MYO10: variants seen among roughly 807,000 people sequenced by gnomAD.
MYO10 encodes unconventional myosin-X.
In MYO10, 133 loss-of-function variants were observed where a neutral mutation model predicts 257.3. That is an observed-to-expected ratio of 0.52 (90% CI 0.45 to 0.60). MYO10 has a LOEUF of 0.60. Among genes scored for constraint, MYO10 ranks in the 20% least tolerant of loss-of-function variants. MYO10 has a pLI of 0.00. For synonymous variants in MYO10, 1,104 were observed against 1,028.6 expected, an observed-to-expected ratio of 1.07 and a Z score of -1.40; for missense variants, 2,399 against 2,635.7, an observed-to-expected ratio of 0.91 and a Z score of 1.97.
intron 3 of MYO10, among the ~76,000 whole-genome samples, chr5:16,813,501 C>T (rs1163044382): frequency 4.0e-5 from 6 of 150,902 alleles, no homozygotes; most frequent in South Asian, 4.2e-4. Context: ...CAGGGAACAG[C>T]GATCATGTCA....
intron 19 of MYO10, among the ~76,000 whole-genome samples, chr5:16,720,349 C>T (rs991248861): frequency 2.0e-5 from 3 of 152,190 alleles, no homozygotes; most frequent in African/African-American, 4.8e-5. Flanking sequence ...TAAGACCAAC[C>T]TCCACATTGC....
chr5:16,685,701 AGACGCCCC>A, intron 29 of MYO10, 29 bp downstream of exon 29: 1 of 1,372,148 alleles, frequency 7.3e-7, no homozygotes, highest in Non-Finnish European at 1.0e-6. Flanking sequence ...CCCTGCCCCT[AGACGCCCC>A]ACCCCCATCC....
At chr5:16,780,458 T>C in intron 8 of MYO10, 66 bp downstream of exon 8, 1 of 1,341,720 alleles carries the variant, frequency 7.5e-7, no homozygotes, top group Non-Finnish European at 1.0e-6. Context: ...TTCTCTCATT[T>C]ACTGACATCT....
intron 14 of MYO10, 100 bp downstream of exon 14, chr5:16,763,381 G>T: frequency 1.1e-6 from 1 of 887,036 alleles, no homozygotes. Context: ...CATTCACATC[G>T]TTGATGTGCG....
At chr5:16,687,954 A>G (rs1737323948) in intron 28 of MYO10, among the ~76,000 whole-genome samples, 2 of 152,212 alleles carry the variant, frequency 1.3e-5, no homozygotes, top group African/African-American at 4.8e-5. Context: ...CTTCTCTTGA[A>G]TCAAGTATAA....
Position 16,685,753 on chromosome 5 carries a change from G to A in MYO10, c.3975C>T (p.Asn1325=). Residue 1325 remains asparagine (N), a synonymous_variant, in exon 29 of 41, where the codon AAC becomes AAT. Coordinates refer to ENST00000513610, the MANE Select transcript of MYO10 (RefSeq NM_012334.3). ...GCTCCCGTACCACAGCATTCTGTGG[G>A]TTTGCCTGCTCATCATGCATCTCCT... ...EIQEMHDEQA[N]PQNAVGTLDV... is the part of the protein sequence containing the mutation. 1 of 1,603,658 alleles carries A rather than the reference G, an allele frequency of 6.2e-7. No homozygotes were observed.
chr5:16,780,633 T>G, intron 7 of MYO10, 25 bp from the exon 8 acceptor site: 2 of 1,555,018 alleles, frequency 1.3e-6, no homozygotes, highest in South Asian at 1.2e-5. Context: ...CAGATTTATA[T>G]TCAGAGATGT....
chr5:16,693,831 A>G, intron 27 of MYO10, among the ~76,000 whole-genome samples: 1 of 152,170 alleles, frequency 6.6e-6, no homozygotes, highest in East Asian at 1.9e-4. Flanking sequence ...CTTTGGTTCT[A>G]TAAGGGTGTG....
At position 16,673,808 on chromosome 5, in the gene MYO10, T is replaced by C. The variant is rs369279634; in HGVS notation, c.5046A>G (p.Arg1682=). Residue 1682 remains arginine (R), a synonymous_variant, in exon 36 of 41, where the codon CGA becomes CGG. Coordinates refer to ENST00000513610, the MANE Select transcript of MYO10 (RefSeq NM_012334.3). ...TYESLKKTKC[R]EFVPSRDEIE... ...TTTCATCTCGGGAAGGCACAAACTC[T>C]CGGCATTTGGTTTTCTTAAGAGATT... 6.8e-5 allele frequency: 109 copies of C among 1,614,006 alleles called. No individual in the cohort carries two copies. The East Asian group carries it at 1.8e-3, about 26-fold the overall frequency.
chr5:16,886,553 A>G (rs1200955816), intron 1 of MYO10, among the ~76,000 whole-genome samples: 1 of 152,234 alleles, frequency 6.6e-6, no homozygotes, highest in Non-Finnish European at 1.5e-5. Flanking sequence ...TTGAAGGAAT[A>G]TATTTCAGCT....
At chr5:16,826,983 A>T (rs529245877) in intron 2 of MYO10, among the ~76,000 whole-genome samples, 1 of 152,334 alleles carries the variant, frequency 6.6e-6, no homozygotes, top group South Asian at 2.1e-4. Context: ...TGTACTGAGT[A>T]ATTTATACTT....
intron 1 of MYO10, among the ~76,000 whole-genome samples, chr5:16,906,217 C>T (rs191845317): frequency 2.6e-5 from 4 of 152,056 alleles, no homozygotes; most frequent in African/African-American, 7.2e-5. Flanking sequence ...CAGAATGGAC[C>T]CCCCCATTCC....
intron 11 of MYO10, 131 bp downstream of exon 11, chr5:16,765,949 C>T: frequency 1.5e-6 from 1 of 650,036 alleles, no homozygotes. Flanking sequence ...TATCATGAAC[C>T]AGTCATTTGA....
intron 2 of MYO10, 58 bp from the exon 3 acceptor site, chr5:16,818,225 CAA>C (rs1742684679): frequency 2.2e-6 from 3 of 1,335,402 alleles, no homozygotes; most frequent in Non-Finnish European, 3.0e-6. Context: ...ATTTTTCACA[CAA>C]GTTTCCCAAA....
intron 2 of MYO10, among the ~76,000 whole-genome samples, chr5:16,840,744 A>G (rs1159112116): frequency 1.3e-5 from 2 of 152,200 alleles, no homozygotes; most frequent in East Asian, 3.9e-4. Flanking sequence ...ATGCAAGCCC[A>G]TATTTAAAAT....
At chr5:16,762,682 TG>T in intron 14 of MYO10, 45 bp from the exon 15 acceptor site, 1 of 1,389,338 alleles carries the variant, frequency 7.2e-7, no homozygotes. Context: ...TGAATGTGGC[TG>T]GGTGCATGGG....
chr5:16,752,624 G>A (rs780047534), intron 19 of MYO10, among the ~76,000 whole-genome samples: 12 of 152,160 alleles, frequency 7.9e-5, no homozygotes, highest in Admixed American at 3.3e-4. Context: ...GACCTTGCAC[G>A]TTTGAAAGAT....
chr5:16,901,575 C>T (rs1259485501), intron 1 of MYO10, among the ~76,000 whole-genome samples: 1 of 152,210 alleles, frequency 6.6e-6, no homozygotes, highest in Non-Finnish European at 1.5e-5. Flanking sequence ...ACCTCTACGG[C>T]ATTTAAATAG....
rs1160546888 is a variant in MYO10, at chr5:16,701,198, G to A, written c.3197C>T (p.Ser1066Phe). The A allele has an allele frequency of 6.2e-7, 1 of 1,610,826 alleles. No homozygotes were observed. The highest frequency in any genetic ancestry group is 1.7e-5 in the Admixed American group (1 of 59,492). Reference sequence around the variant, plus strand: ...GCAGTAGGTGGACTCGCCGCTGGAGGAGTTGTGTAGGCTCCCGGAGTCCTG... The same window carrying A: ...GCAGTAGGTGGACTCGCCGCTGGAGAAGTTGTGTAGGCTCCCGGAGTCCTG... The part of the protein sequence containing the change: ...SVQDSGSLHN[S>F]SSGESTYCMP... Residue 1066 changes from serine to phenylalanine, a missense_variant, in exon 25 of 41, where the codon TCC becomes TTC. Ser to Phe is a radical substitution (Grantham distance 155). Transcript: ENST00000513610. The surrounding 1 kb of genome is among the most constrained non-coding windows in gnomAD (Gnocchi z 8.1).
Sources: gnomAD v4.1 joint callset for allele counts (sites outside exome capture counted in the v4.1 genomes callset) on GRCh38, gnomAD v4.1.1 for gene constraint, Gnocchi (gnomAD v3.1) non-coding constraint, MANE v1.5 for transcripts, NCBI Gene and HGNC (gene_info 2026-07-23, HGNC 2026-07-21) for gene names.